SMG7: variants seen among roughly 807,000 people sequenced by gnomAD.
SMG7 encodes SMG7 nonsense mediated mRNA decay factor, also known as nonsense-mediated mRNA decay factor SMG7.
A neutral mutation model predicts 148.2 loss-of-function variants in SMG7; 34 were observed. That is an observed-to-expected ratio of 0.23 (90% CI 0.17 to 0.31). SMG7 has a LOEUF of 0.31. Among genes scored for constraint, SMG7 ranks in the 10% least tolerant of loss-of-function variants. The probability of loss-of-function intolerance (pLI) is 1.00; values close to 1 mark genes in which losing one functional copy is unlikely to be tolerated. For synonymous variants in SMG7, 492 were observed against 515.1 expected (o/e 0.96, Z 0.61); for missense variants, 1,114 against 1,408.4 (o/e 0.79, Z 3.35).
chr1:183,535,097 C>T (rs1209641693), intron 10 of SMG7, among the ~76,000 whole-genome samples: 1 of 152,084 alleles, frequency 6.6e-6, no homozygotes, highest in African/African-American at 2.4e-5. Context: ...CTCTTGTGTA[C>T]TCTAGAACTC....
intron 1 of SMG7, among the ~76,000 whole-genome samples, chr1:183,481,122 C>G (rs1653990984): frequency 6.6e-6 from 1 of 152,148 alleles, no homozygotes; most frequent in African/African-American, 2.4e-5. Flanking sequence ...ACTCATTTAT[C>G]TGGTATTGTT....
At chr1:183,490,618 A>G (rs1656712371) in intron 1 of SMG7, among the ~76,000 whole-genome samples, 1 of 152,196 alleles carries the variant, frequency 6.6e-6, no homozygotes, top group South Asian at 2.1e-4. Context: ...TAGAATATGC[A>G]TTTTATGCAT....
intron 3 of SMG7, 31 bp from the exon 4 acceptor site, chr1:183,517,657 T>C (rs757054233): frequency 6.2e-7 from 1 of 1,613,010 alleles, no homozygotes; most frequent in South Asian, 1.1e-5. Flanking sequence ...GAGTCACTGC[T>C]ATACCAAATA....
chr1:183,543,259 G>C (rs899557608), intron 14 of SMG7, among the ~76,000 whole-genome samples: 2 of 152,134 alleles, frequency 1.3e-5, no homozygotes, highest in Non-Finnish European at 2.9e-5. Context: ...AAGCAGCCAT[G>C]TGAGTTGTTA....
chr1:183,491,896 C>G (rs1162185975), intron 1 of SMG7, among the ~76,000 whole-genome samples: 2 of 152,148 alleles, frequency 1.3e-5, no homozygotes, highest in Admixed American at 1.3e-4. Flanking sequence ...GCCTTCTCTA[C>G]AGGGGACAAA....
At chr1:183,508,256 C>G (rs924997940) in intron 1 of SMG7, 1 of 328,082 alleles carries the variant, frequency 3.0e-6, no homozygotes, top group Admixed American at 6.5e-5. Context: ...TGCAGTGGCA[C>G]AAACACGGTT....
chr1:183,536,726 T>C (rs1183583127), intron 10 of SMG7, among the ~76,000 whole-genome samples: 1 of 152,190 alleles, frequency 6.6e-6, no homozygotes, highest in African/African-American at 2.4e-5. Flanking sequence ...TTGTGTGGTA[T>C]AACCATACCC....
chr1:183,538,410 A>G lies in SMG7; in HGVS notation c.1265A>G (p.Gln422Arg). 1 of 1,613,364 alleles carries G rather than the reference A, an allele frequency of 6.2e-7. No individual in the cohort carries two copies. Among genetic ancestry groups the G allele is most frequent in the Non-Finnish European group, 8.5e-7 (1 of 1,179,356 alleles). ...ATPLPEEFEL[Q>R]GFLALRPSFR... ...CCACTTCCAGAGGAGTTTGAATTACAAGGATTTTTGGCATTGAGACCTTCT... is the reference window on the plus strand; with the variant it reads ...CCACTTCCAGAGGAGTTTGAATTACGAGGATTTTTGGCATTGAGACCTTCT... The change falls in exon 12 of 23, where the codon CAA becomes CGA. Residue 422 changes from glutamine (Q) to arginine (R), a missense_variant. Physicochemically the swap from Gln to Arg is conservative, Grantham distance 43. Transcript: ENST00000688051.
At position 183,540,948 on chromosome 1, in the gene SMG7, T is replaced by C. The variant is rs1454844871; in HGVS notation, c.1296-36T>C. ...GTTGCCTGGAAAATATCTTTAGCAA[T>C]TTAATATTCTCATAACTTGCTTGTG... On this transcript the variant is annotated intron_variant, in intron 12 of 22. Coordinates refer to ENST00000688051, the MANE Select transcript of SMG7 (RefSeq NM_001375584.1). The C allele has an allele frequency of 3.1e-6, 5 of 1,604,852 alleles. No homozygotes were observed. In the African/African-American group the frequency reaches 4.0e-5, roughly 13 times the overall value.
chr1:183,502,511 A>G, intron 1 of SMG7: 1 of 758,350 alleles, frequency 1.3e-6, no homozygotes. Context: ...ATTTTGGCCA[A>G]GATCGGGATG....
chr1:183,477,668 A>G (rs1325613485), intron 1 of SMG7, among the ~76,000 whole-genome samples: 1 of 141,608 alleles, frequency 7.1e-6, no homozygotes, highest in Non-Finnish European at 1.5e-5. Flanking sequence ...ATGTGTATAT[A>G]TGCATATATA....
chr1:183,510,993 G>GA (rs987300789), intron 1 of SMG7, among the ~76,000 whole-genome samples: 55 of 140,998 alleles, frequency 3.9e-4, no homozygotes, highest in East Asian at 6.1e-4. Flanking sequence ...TCCGTCTTAA[G>GA]AAAAAAAAAA....
rs533378675 is a variant in SMG7 at position 183,477,786 on chromosome 1, A to G, written c.29+5137A>G. Among the ~76,000 whole-genome samples, 4 of 152,168 alleles carry G rather than the reference A, an allele frequency of 2.6e-5. 1 individual carries two copies. Among genetic ancestry groups the G allele is most frequent in the Admixed American group, 2.6e-4 (4 of 15,290 alleles). On this transcript the variant is annotated intron_variant, in intron 1 of 22. Coordinates refer to ENST00000688051, the MANE Select transcript of SMG7 (RefSeq NM_001375584.1). ...CATATATACATGTGTGTATGTGTGTATGTATACATATATGTATATGTGTCT... is the reference window on the plus strand; with the variant it reads ...CATATATACATGTGTGTATGTGTGTGTGTATACATATATGTATATGTGTCT...
intron 1 of SMG7, among the ~76,000 whole-genome samples, chr1:183,492,471 G>C (rs1657308861): frequency 6.6e-6 from 1 of 152,126 alleles, no homozygotes; most frequent in African/African-American, 2.4e-5. Context: ...TCTCTAGTAA[G>C]TTTTGAAATC....
chr1:183,537,375 A>G (rs533051382), intron 11 of SMG7, among the ~76,000 whole-genome samples, 160 bp downstream of exon 11: 10 of 152,308 alleles, frequency 6.6e-5, no homozygotes, highest in South Asian at 6.2e-4. Context: ...GTGGAAGTAG[A>G]TAATGTTCTC....
intron 1 of SMG7, among the ~76,000 whole-genome samples, chr1:183,507,512 C>T (rs574645021): frequency 1.1e-4 from 17 of 152,214 alleles, no homozygotes; most frequent in South Asian, 6.2e-4. Context: ...CCTTAACTAA[C>T]GATACTACTT....
At chr1:183,526,152 A>G (rs965486236) in intron 4 of SMG7, among the ~76,000 whole-genome samples, 24 of 18,380 alleles carry the variant, frequency 1.3e-3, no homozygotes, top group Non-Finnish European at 1.8e-3. Context: ...ATATATATAT[A>G]TATATTTTTT....
chr1:183,538,370 G>GT lies in SMG7; in HGVS notation c.1235-10_1235-9insT. ...TAAAATGTTTGCAAATTTTGATTTT[G>GT]ACCCTTTAGCGACACCACTTCCAGA... On this transcript the variant is annotated splice_polypyrimidine_tract_variant and intron_variant, in intron 11 of 22. Transcript: ENST00000688051. 6.2e-7 allele frequency: 1 copy of GT among 1,608,650 alleles called. No individual in the cohort carries two copies. Among genetic ancestry groups the GT allele is most frequent in the Non-Finnish European group, 8.5e-7 (1 of 1,175,386 alleles).
At position 183,542,253 on chromosome 1, in the gene SMG7, A is replaced by G; in HGVS notation, c.1593A>G (p.Arg531=). The G allele has an allele frequency of 6.2e-7, 1 of 1,614,162 alleles. No homozygotes were observed. Residue 531 remains arginine, a synonymous_variant, in exon 14 of 23, where the codon CGA becomes CGG. Transcript: ENST00000688051. ...TAAAATCAGTGCTATCTACAAGCCG[A>G]AATTTAAGCAACAACTGTGACACAG... ...PGLKSVLSTS[R]NLSNNCDTGE...
Sources: gnomAD v4.1 joint callset for allele counts (sites outside exome capture counted in the v4.1 genomes callset) on GRCh38, gnomAD v4.1.1 for gene constraint, MANE v1.5 for transcripts, NCBI Gene and HGNC (gene_info 2026-07-23, HGNC 2026-07-21) for gene names.